LIN28B: variants seen among roughly 807,000 people sequenced by gnomAD.
The protein encoded by LIN28B is lin-28 RNA binding posttranscriptional regulator B, also known as protein lin-28 homolog B.
LIN28B carries 5 observed loss-of-function variants against 21.9 expected under a neutral mutation model. The ratio of observed to expected loss-of-function variants is 0.23; its 90% CI spans 0.12 to 0.48. LIN28B has a LOEUF of 0.48. Among genes scored for constraint, LIN28B ranks in the 20% least tolerant of loss-of-function variants. The pLI is 0.98. For missense variants in LIN28B, 245 were observed against 310.5 expected, an observed-to-expected ratio of 0.79 and a Z score of 1.58; for synonymous variants, 109 against 111.3, an observed-to-expected ratio of 0.98 and a Z score of 0.13.
At chr6:105,021,254 A>G (rs575406246) in intron 2 of LIN28B, among the ~76,000 whole-genome samples, 56 of 152,028 alleles carry the variant, frequency 3.7e-4, no homozygotes, top group South Asian at 1.5e-3. Context: ...TATACACCAC[A>G]TTTTCTTTAT....
intron 2 of LIN28B, among the ~76,000 whole-genome samples, chr6:104,961,143 CAT>C (rs1769731331): frequency 6.6e-6 from 1 of 151,894 alleles, no homozygotes; most frequent in African/African-American, 2.4e-5. Flanking sequence ...TATTCTGACC[CAT>C]GTTAATTGTG....
chr6:105,068,322 T>A (rs1772257907), intron 3 of LIN28B, among the ~76,000 whole-genome samples: 1 of 152,234 alleles, frequency 6.6e-6, no homozygotes, highest in Non-Finnish European at 1.5e-5. Context: ...TTTCATTTGA[T>A]TCTATGAAAA....
rs549402707 is a variant in LIN28B, at chr6:105,061,023, A to G, written c.384-17391A>G. ...TAGGAAAATTATATCAGTAAGGTAG[A>G]AAGAAAACCACTTTAATATTCTGAA... On this transcript the variant is annotated intron_variant, in intron 3 of 3. Coordinates refer to ENST00000345080, the MANE Select transcript of LIN28B (RefSeq NM_001004317.4). Among the ~76,000 whole-genome samples the G allele has an allele frequency of 5.3e-5, 8 of 152,344 alleles. No homozygotes were observed. The South Asian group carries it at 1.4e-3, about 28-fold the overall frequency.
At chr6:105,025,936 G>T (rs1185279845) in intron 2 of LIN28B, among the ~76,000 whole-genome samples, 1 of 151,720 alleles carries the variant, frequency 6.6e-6, no homozygotes, top group Non-Finnish European at 1.5e-5. Context: ...TATTTAATCA[G>T]TTTCCCATTG....
chr6:104,987,660 T>C lies in LIN28B; in HGVS notation c.198+29374T>C, dbSNP rs914030919. Among the ~76,000 whole-genome samples the C allele has an allele frequency of 3.9e-5, 6 of 152,150 alleles. No homozygotes were observed. In the East Asian group the frequency reaches 5.8e-4, roughly 15 times the overall value. ...ATTATTATAAATACTTTACCTCTTT[T>C]TCCTGTAGATTTAAAATTGATCTGT... On this transcript the variant is annotated intron_variant, in intron 2 of 3. Coordinates refer to ENST00000345080, the MANE Select transcript of LIN28B (RefSeq NM_001004317.4).
At position 105,079,859 on chromosome 6, in the gene LIN28B, T is replaced by G. The variant is rs770900885; in HGVS notation, c.*1076T>G. 1.3e-5 allele frequency: 2 copies of G among 152,254 alleles called. No individual in the cohort carries two copies. The highest frequency in any genetic ancestry group is 1.5e-5 in the Non-Finnish European group (1 of 68,014). The allele number at this position is 152,254 out of a possible 1,614,324, so 9.4% of individuals were successfully genotyped here. A position where few individuals can be genotyped will look rare whatever the true frequency, so the allele number is the denominator to read the frequency against. On this transcript the variant is annotated 3_prime_UTR_variant, in exon 4 of 4. Transcript: ENST00000345080. Reference sequence around the variant, plus strand: ...CTAAAACAAACAAGCAGCAAAGAAATGAATTAAATACTGGGGTTGAGAATT... The same window carrying G: ...CTAAAACAAACAAGCAGCAAAGAAAGGAATTAAATACTGGGGTTGAGAATT...
intron 2 of LIN28B, among the ~76,000 whole-genome samples, chr6:104,968,736 T>G (rs1322973320): frequency 2.0e-5 from 3 of 152,190 alleles, no homozygotes; most frequent in African/African-American, 7.2e-5. Context: ...CCATTAGAGA[T>G]AGTGAATAGA....
chr6:105,067,646 A>G (rs531401390), intron 3 of LIN28B, among the ~76,000 whole-genome samples: 4 of 152,290 alleles, frequency 2.6e-5, no homozygotes, highest in African/African-American at 9.6e-5. Context: ...AGAGAGAGAT[A>G]ACATTTCTAT....
intron 2 of LIN28B, among the ~76,000 whole-genome samples, chr6:105,022,554 G>A (rs995241118): frequency 7.2e-5 from 11 of 152,142 alleles, no homozygotes; most frequent in Non-Finnish European, 2.9e-5. Context: ...CTCTGAGCAT[G>A]CATTCCTGCC....
At chr6:105,035,132 G>GA (rs537052666) in intron 3 of LIN28B, among the ~76,000 whole-genome samples, 8 of 151,518 alleles carry the variant, frequency 5.3e-5, no homozygotes, top group Non-Finnish European at 8.8e-5. Flanking sequence ...CCTGAAAACA[G>GA]AAAAAAACCC....
At chr6:104,978,726 G>A (rs902206266) in intron 2 of LIN28B, among the ~76,000 whole-genome samples, 7 of 152,106 alleles carry the variant, frequency 4.6e-5, no homozygotes, top group African/African-American at 1.7e-4. Flanking sequence ...ACAGAAATTG[G>A]CACCAAAGAT....
At chr6:104,981,823 C>T (rs1770232165) in intron 2 of LIN28B, among the ~76,000 whole-genome samples, 1 of 152,140 alleles carries the variant, frequency 6.6e-6, no homozygotes, top group Non-Finnish European at 1.5e-5. Flanking sequence ...TGGCAAGCAT[C>T]TTAGAATTAA....
chr6:105,010,530 A>G (rs991769095), intron 2 of LIN28B, among the ~76,000 whole-genome samples: 1 of 152,216 alleles, frequency 6.6e-6, no homozygotes. Flanking sequence ...AAGAATTTCA[A>G]CAAGGAGCAC....
chr6:104,944,054 T>C (rs931201751), intron 2 of LIN28B, among the ~76,000 whole-genome samples: 3 of 152,114 alleles, frequency 2.0e-5, no homozygotes, highest in Non-Finnish European at 4.4e-5. Flanking sequence ...CTGAAAACTG[T>C]ACAGTACACA....
At position 104,950,775 on chromosome 6, in the gene LIN28B, C is replaced by T. The variant is rs557779366; in HGVS notation, c.67+266C>T. On this transcript the variant is annotated intron_variant, in intron 3 of 5. Coordinates refer to the LIN28B transcript ENST00000635857. ...TTAGCAGTATTGTATTTTGTGATTC[C>T]TTTTTCTGTAACTCAAGCAGCATAG... Among the ~76,000 whole-genome samples, 4 of 151,774 alleles carry T rather than the reference C, an allele frequency of 2.6e-5. No individual in the cohort carries two copies. The East Asian group carries it at 7.8e-4, about 29-fold the overall frequency.
At chr6:104,989,938 C>T (rs1387008779) in intron 2 of LIN28B, among the ~76,000 whole-genome samples, 2 of 152,128 alleles carry the variant, frequency 1.3e-5, no homozygotes, top group Admixed American at 6.5e-5. Flanking sequence ...CGCTTCTTTT[C>T]TGTAAATGCA....
At chr6:104,959,668 T>C (rs1234840951) in intron 2 of LIN28B, among the ~76,000 whole-genome samples, 1 of 152,242 alleles carries the variant, frequency 6.6e-6, no homozygotes, top group Non-Finnish European at 1.5e-5. Context: ...TACAGACTAC[T>C]GGATTTTATG....
chr6:105,010,193 A>C (rs1192086998), intron 2 of LIN28B, among the ~76,000 whole-genome samples: 3 of 142,518 alleles, frequency 2.1e-5, no homozygotes, highest in South Asian at 2.2e-4. Context: ...CCGTGTCTAC[A>C]AAAAAAAAAA....
chr6:104,940,353 A>C (rs1197676463), intron 2 of LIN28B: 1 of 156,174 alleles, frequency 6.4e-6, no homozygotes, highest in African/African-American at 2.4e-5. Flanking sequence ...AGGGACCGCC[A>C]TGTGAGCTTC....
Sources: allele counts gnomAD v4.1 joint callset (sites outside exome capture counted in the v4.1 genomes callset), GRCh38; gene constraint gnomAD v4.1.1; transcripts MANE v1.5; gene names NCBI Gene and HGNC (gene_info 2026-07-23, HGNC 2026-07-21).